TENT4B: variants seen among roughly 807,000 people sequenced by gnomAD.
The protein encoded by TENT4B is terminal nucleotidyltransferase 4B.
In TENT4B, 10 loss-of-function variants were observed where a neutral mutation model predicts 75.0. That is an observed-to-expected ratio of 0.13 (90% CI 0.08 to 0.23). The LOEUF is 0.23. Ranked by LOEUF, TENT4B falls within the 10% of genes least tolerant of loss-of-function variation. The probability of loss-of-function intolerance (pLI) is 1.00; values close to 1 mark genes in which losing one functional copy is unlikely to be tolerated. For missense variants in TENT4B, 579 were observed against 893.8 expected, an observed-to-expected ratio of 0.65 and a Z score of 4.49; for synonymous variants, 350 against 357.7, an observed-to-expected ratio of 0.98 and a Z score of 0.24.
intron 7 of TENT4B, 142 bp downstream of exon 7, chr16:50,223,529 A>C (rs2031917074): frequency 3.2e-6 from 2 of 632,770 alleles, no homozygotes; most frequent in East Asian, 5.5e-5. Context: ...TTTCATGAGC[A>C]AACATACTAA....
In TENT4B at chr16:50,154,019, C is replaced by T. The variant is rs1474716290; in HGVS notation, c.398C>T (p.Pro133Leu). The T allele has an allele frequency of 6.5e-7, 1 of 1,533,670 alleles. No homozygotes were observed. Among genetic ancestry groups the T allele is most frequent in the Non-Finnish European group, 8.7e-7 (1 of 1,145,964 alleles). ...GCGGGCTCCTCGGCGTCCTCGCCTC[C>T]CTCGGCGTCCTCGTCCCCGCACCCT... ...RRAGSSASSP[P>L]SASSSPHPSA... is the part of the protein sequence containing the mutation. The change falls in exon 1 of 12, where the codon CCC (proline) becomes CTC (leucine). Residue 133 changes from proline (P) to leucine (L), a missense_variant. Physicochemically the swap from Pro to Leu is moderately conservative, Grantham distance 98. Around this residue, in one of 7 missense-constraint regions of TENT4B, gnomAD observed 253 missense variants for 270.1 expected, o/e 0.94. Transcript: ENST00000561678.
At chr16:50,192,743 C>G in intron 1 of TENT4B, among the ~76,000 whole-genome samples, 1 of 148,452 alleles carries the variant, frequency 6.7e-6, no homozygotes, top group East Asian at 2.0e-4. Context: ...ACATAATTTT[C>G]ATGTGTCTCC....
intron 1 of TENT4B, among the ~76,000 whole-genome samples, chr16:50,208,654 CA>C (rs2031114046): frequency 6.6e-6 from 1 of 152,154 alleles, no homozygotes; most frequent in South Asian, 2.1e-4. Context: ...GGAAGTGACC[CA>C]GGGCAAGGAT....
At position 50,227,857 on chromosome 16, in the gene TENT4B, T is replaced by C; in HGVS notation, c.1819T>C (p.Cys607Arg). 1.9e-6 allele frequency: 3 copies of C among 1,614,026 alleles called. No individual in the cohort carries two copies. The highest frequency in any genetic ancestry group is 1.6e-4 in the Middle Eastern group (1 of 6,062). Reference protein sequence around the residue: ...SSDVDSDATPCKTPKQLLCRP... With the variant: ...SSDVDSDATPRKTPKQLLCRP... ...GTGTTAGGATTCCGATGCAACACCA[T>C]GCAAAACCCCGAAACAGCTGCTTTG... The change falls in exon 11 of 12, where the codon TGC (cysteine) becomes CGC (arginine). Residue 607 changes from cysteine to arginine, a missense_variant. This residue lies in a region of TENT4B where 164 missense variants were observed against 226.5 expected (regional missense o/e 0.72). Coordinates refer to ENST00000561678, the MANE Select transcript of TENT4B (RefSeq NM_001365324.3).
At chr16:50,183,501 T>C (rs2038464249) in intron 1 of TENT4B, among the ~76,000 whole-genome samples, 1 of 149,282 alleles carries the variant, frequency 6.7e-6, no homozygotes, top group South Asian at 2.1e-4. Context: ...TTTCTTGTTA[T>C]ACTTAGTCAC....
chr16:50,220,075 G>A (rs184467546), intron 5 of TENT4B, among the ~76,000 whole-genome samples: 1 of 151,208 alleles, frequency 6.6e-6, no homozygotes, highest in African/African-American at 2.4e-5. Flanking sequence ...TGCAACCTCC[G>A]TCTCCCAGGT....
At chr16:50,185,936 A>G (rs2038517725) in intron 1 of TENT4B, among the ~76,000 whole-genome samples, 1 of 152,190 alleles carries the variant, frequency 6.6e-6, no homozygotes, top group Non-Finnish European at 1.5e-5. Flanking sequence ...CATTACATAA[A>G]TGGTGTAATT....
chr16:50,192,054 C>A (rs367918265), intron 1 of TENT4B, among the ~76,000 whole-genome samples: 1 of 151,964 alleles, frequency 6.6e-6, no homozygotes, highest in Admixed American at 6.6e-5. Context: ...CCAGCCTGGG[C>A]AACATGGTGA....
rs2032402548 is a variant in TENT4B, at chr16:50,234,955, T to C, written c.*5627T>C. 1 of 985,896 alleles carries C rather than the reference T, an allele frequency of 1.0e-6. No individual in the cohort carries two copies. Among genetic ancestry groups the C allele is most frequent in the Non-Finnish European group, 1.2e-6 (1 of 829,922 alleles). The allele number at this position is 985,896 out of a possible 1,614,324, so 61.1% of individuals were successfully genotyped here. ...GTCTTCAGTGTTAAGAAATGTGGAC[T>C]CCTGTGAGGTGCTGGAGGTTTGAAT... On this transcript the variant is annotated 3_prime_UTR_variant, in exon 12 of 12. Coordinates refer to ENST00000561678, the MANE Select transcript of TENT4B (RefSeq NM_001365324.3).
At position 50,230,300 on chromosome 16, in the gene TENT4B, G is replaced by GAAAAA. The variant is rs34413257; in HGVS notation, c.*985_*989dup. The GAAAAA allele has an allele frequency of 5.4e-6, 5 of 920,036 alleles. No individual in the cohort carries two copies. In the African/African-American group the frequency reaches 8.3e-5, roughly 15 times the overall value. 57.0% of individuals were successfully genotyped at this position (920,036 alleles called of 1,614,324 possible). On this transcript the variant is annotated 3_prime_UTR_variant, in exon 12 of 12. Coordinates refer to ENST00000561678, the MANE Select transcript of TENT4B (RefSeq NM_001365324.3). ...TTTTCCCCCCATTTCTTCCTAATAG[G>GAAAAA]AAAAAAAAAAAAAAAAAGGTCACCC...
At chr16:50,173,914 G>A (rs1478276200) in intron 1 of TENT4B, among the ~76,000 whole-genome samples, 3 of 151,916 alleles carry the variant, frequency 2.0e-5, no homozygotes, top group Non-Finnish European at 1.5e-5. Flanking sequence ...GGCTGGTCTT[G>A]AACTCCTGAC....
intron 4 of TENT4B, among the ~76,000 whole-genome samples, chr16:50,217,042 T>C (rs1371671898): frequency 1.3e-5 from 2 of 152,178 alleles, no homozygotes; most frequent in Non-Finnish European, 2.9e-5. Context: ...AATTTTCTTA[T>C]TAGAAACAGT....
chr16:50,218,574 G>A (rs1326058875), intron 5 of TENT4B, among the ~76,000 whole-genome samples: 1 of 151,696 alleles, frequency 6.6e-6, no homozygotes, highest in Non-Finnish European at 1.5e-5. Context: ...GGCTGGTCTC[G>A]AACTCCTGAC....
At position 50,233,087 on chromosome 16, in the gene TENT4B, T is replaced by C. The variant is rs1353756584; in HGVS notation, c.*3759T>C. On this transcript the variant is annotated 3_prime_UTR_variant, in exon 12 of 12. Transcript: ENST00000561678. ...AAAGTATTTTATGAGCAAAATATTC[T>C]ATAAATGCGTCTAACAAACCTAATT... The C allele has an allele frequency of 3.8e-5, 37 of 984,200 alleles. No homozygotes were observed. Among genetic ancestry groups the C allele is most frequent in the Non-Finnish European group, 3.9e-5 (32 of 828,888 alleles). 61.0% of individuals were successfully genotyped at this position (984,200 alleles called of 1,614,324 possible). A position where few individuals can be genotyped will look rare whatever the true frequency, so the allele number is the denominator to read the frequency against.
At chr16:50,217,089 G>T (rs900461172) in intron 4 of TENT4B, among the ~76,000 whole-genome samples, 2 of 152,084 alleles carry the variant, frequency 1.3e-5, no homozygotes, top group Admixed American at 1.3e-4. Context: ...GGCATTCCTA[G>T]TTCTTCATCT....
At chr16:50,184,971 C>T (rs2038497874) in intron 1 of TENT4B, among the ~76,000 whole-genome samples, 2 of 152,052 alleles carry the variant, frequency 1.3e-5, no homozygotes, top group Admixed American at 1.3e-4. Flanking sequence ...TCTCACATTC[C>T]CTGTACTTAG....
intron 3 of TENT4B, 129 bp from the exon 4 acceptor site, chr16:50,215,946 C>A: frequency 2.8e-6 from 3 of 1,086,840 alleles, no homozygotes; most frequent in Non-Finnish European, 4.0e-6. Flanking sequence ...ATCACCAACA[C>A]ATTTAGTCTT....
At chr16:50,201,515 C>T (rs2030648072) in intron 1 of TENT4B, among the ~76,000 whole-genome samples, 2 of 148,636 alleles carry the variant, frequency 1.3e-5, no homozygotes, top group African/African-American at 2.5e-5. Flanking sequence ...CCAACCTTGG[C>T]GATAGAGCAA....
chr16:50,178,399 G>A (rs1052303874), intron 1 of TENT4B, among the ~76,000 whole-genome samples: 3 of 151,626 alleles, frequency 2.0e-5, no homozygotes, highest in East Asian at 3.9e-4. Context: ...AGCCATGATC[G>A]CACCACTGTA....
Sources: allele counts gnomAD v4.1 joint callset (sites outside exome capture counted in the v4.1 genomes callset), GRCh38; gene constraint gnomAD v4.1.1; regional missense constraint gnomAD v4.1.1; transcripts MANE v1.5; gene names NCBI Gene and HGNC (gene_info 2026-07-23, HGNC 2026-07-21).